Variants in GRM7 observed in about 807,000 individuals in gnomAD.
GRM7 encodes the protein metabotropic glutamate receptor 7.
GRM7 carries 35 observed loss-of-function variants against 84.5 expected under a neutral mutation model. The ratio of observed to expected loss-of-function variants is 0.41; its 90% CI spans 0.32 to 0.55. The LOEUF (loss-of-function observed/expected upper bound fraction) is 0.55, where lower values mean the gene tolerates loss of function less well. Among genes scored for constraint, GRM7 ranks in the 20% least tolerant of loss-of-function variants. The pLI, the probability that GRM7 is intolerant of heterozygous loss-of-function variation, is 0.19. For synonymous variants in GRM7, 487 were observed against 455.1 expected (o/e 1.07, Z -0.89); for missense variants, 1,003 against 1,194.6 (o/e 0.84, Z 2.36).
intron 5 of GRM7, among the ~76,000 whole-genome samples, chr3:7,446,458 T>A (rs6774558): frequency 6.9e-6 from 1 of 144,464 alleles, no homozygotes; most frequent in Non-Finnish European, 1.5e-5. Flanking sequence ...TTGTTTTTTT[T>A]TTTTTGTTTT....
intron 2 of GRM7, among the ~76,000 whole-genome samples, chr3:7,213,680 G>C (rs1330935994): frequency 6.6e-6 from 1 of 152,178 alleles, no homozygotes; most frequent in Non-Finnish European, 1.5e-5. Context: ...ACAGGCCTCA[G>C]TTGAGCCCAT....
chr3:7,131,315 G>A (rs1878164), intron 1 of GRM7, among the ~76,000 whole-genome samples: 73,870 of 151,776 alleles, frequency 0.49, 18,631 homozygotes, highest in African/African-American at 0.62. Context: ...ATGACACTTC[G>A]TCTACTTGAA....
intron 1 of GRM7, among the ~76,000 whole-genome samples, chr3:6,875,218 C>A (rs1695257547): frequency 6.7e-6 from 1 of 148,674 alleles, no homozygotes; most frequent in Non-Finnish European, 1.5e-5. Flanking sequence ...GGTCTTGGTT[C>A]TGCACTTTTT....
chr3:7,559,632 A>G (rs1466241511), intron 7 of GRM7, among the ~76,000 whole-genome samples: 3 of 152,098 alleles, frequency 2.0e-5, no homozygotes. Flanking sequence ...CAATCACTCT[A>G]CAGTATTATT....
chr3:7,300,835 T>C (rs1699973826), intron 3 of GRM7, among the ~76,000 whole-genome samples: 1 of 152,194 alleles, frequency 6.6e-6, no homozygotes, highest in African/African-American at 2.4e-5. Context: ...AATTAATGTC[T>C]GTATTCTTCA....
At chr3:7,132,578 C>G (rs1361275367) in intron 1 of GRM7, among the ~76,000 whole-genome samples, 1 of 151,982 alleles carries the variant, frequency 6.6e-6, no homozygotes, top group East Asian at 1.9e-4. Flanking sequence ...GACTATGAGG[C>G]ATATCAAAGG....
rs1045703704 is a variant in GRM7 at position 7,410,333 on chromosome 3, G to A, written c.1034-4690G>A. 5.9e-5 allele frequency among the ~76,000 whole-genome samples: 9 copies of A among 152,140 alleles called. No homozygotes were observed. The South Asian group carries it at 1.9e-3, about 31-fold the overall frequency. On this transcript the variant is annotated intron_variant, in intron 4 of 9. Transcript: ENST00000357716. ...CGCCTGTAATCCCAACACTTTGGGAGGCCGAAGCAGGTGGATTGTTTGAAC... is the reference window on the plus strand; with the variant it reads ...CGCCTGTAATCCCAACACTTTGGGAAGCCGAAGCAGGTGGATTGTTTGAAC...
intron 6 of GRM7, among the ~76,000 whole-genome samples, chr3:7,459,921 C>A (rs1698170946): frequency 6.6e-6 from 1 of 151,748 alleles, no homozygotes; most frequent in Admixed American, 6.6e-5. Flanking sequence ...GGTTATACAG[C>A]CTTGTTTGTC....
At chr3:7,372,094 A>G (rs1413696531) in intron 4 of GRM7, among the ~76,000 whole-genome samples, 3 of 152,122 alleles carry the variant, frequency 2.0e-5, no homozygotes, top group Non-Finnish European at 2.9e-5. Flanking sequence ...AACTATTGCT[A>G]CATTCTAAGT....
In GRM7 at chr3:7,224,204, C is replaced by A. The variant is rs898284594; in HGVS notation, c.737-74480C>A. ...CAGCATCTGCTCACTTCTGGGGAAGCCTGAGGAAACGTACAATCATGGCGG... is the reference window on the plus strand; with the variant it reads ...CAGCATCTGCTCACTTCTGGGGAAGACTGAGGAAACGTACAATCATGGCGG... On this transcript the variant is annotated intron_variant, in intron 2 of 9. Coordinates refer to ENST00000357716, the MANE Select transcript of GRM7 (RefSeq NM_000844.4). Among the ~76,000 whole-genome samples the A allele has an allele frequency of 5.3e-5, 8 of 152,092 alleles. No homozygotes were observed. The East Asian group carries it at 1.3e-3, about 26-fold the overall frequency.
intron 1 of GRM7, among the ~76,000 whole-genome samples, chr3:7,137,286 A>G: frequency 6.6e-6 from 1 of 152,134 alleles, no homozygotes; most frequent in East Asian, 1.9e-4. Context: ...TAAATATTTT[A>G]AAGGTAAAAT....
intron 1 of GRM7, among the ~76,000 whole-genome samples, chr3:7,139,067 T>C (rs1693860809): frequency 6.8e-6 from 1 of 147,612 alleles, no homozygotes; most frequent in Non-Finnish European, 1.5e-5. Context: ...TAGTACATTA[T>C]ATAATATTAT....
chr3:7,433,112 ACT>A (rs903740710), intron 5 of GRM7, among the ~76,000 whole-genome samples: 2 of 152,142 alleles, frequency 1.3e-5, no homozygotes, highest in Admixed American at 1.3e-4. Context: ...AAAATGCATG[ACT>A]CTGAAGACAA....
intron 1 of GRM7, among the ~76,000 whole-genome samples, chr3:6,877,989 T>C (rs1277464752): frequency 6.6e-6 from 1 of 151,758 alleles, no homozygotes; most frequent in Non-Finnish European, 1.5e-5. Context: ...CAACTCTATC[T>C]ACAGATATAT....
intron 4 of GRM7, 70 bp from the exon 5 acceptor site, chr3:7,414,952 CT>C (rs1696100119): frequency 1.5e-6 from 2 of 1,290,912 alleles, no homozygotes; most frequent in South Asian, 1.6e-5. Context: ...AAAAAAGTCA[CT>C]TTTATTTTTA....
chr3:7,119,844 C>T (rs1422087109), intron 1 of GRM7, among the ~76,000 whole-genome samples: 1 of 152,106 alleles, frequency 6.6e-6, no homozygotes, highest in Admixed American at 6.6e-5. Context: ...ATGACTTCAG[C>T]TCATATTTTA....
chr3:7,456,404 T>G (rs1257081469), intron 6 of GRM7, among the ~76,000 whole-genome samples: 1 of 152,046 alleles, frequency 6.6e-6, no homozygotes, highest in Admixed American at 6.6e-5. Flanking sequence ...ATTGGCTTAT[T>G]TTATCTTTAA....
At chr3:6,994,584 A>T (rs908052678) in intron 1 of GRM7, among the ~76,000 whole-genome samples, 4 of 152,082 alleles carry the variant, frequency 2.6e-5, no homozygotes, top group Non-Finnish European at 5.9e-5. Flanking sequence ...TTGTTGTTGA[A>T]TTTTTTTTAA....
chr3:7,259,953 G>GTTTTTTTTTTTTTTT lies in GRM7; in HGVS notation c.737-38719_737-38718insTTTTTTTTTTTTTTT, dbSNP rs1164961076. On this transcript the variant is annotated intron_variant, in intron 2 of 9. Coordinates refer to ENST00000357716, the MANE Select transcript of GRM7 (RefSeq NM_000844.4). ...TTTCTCTGCAACCTTACCAGCATCT[G>GTTTTTTTTTTTTTTT]TTTTTTTTTTTTGACGTTTTAATAA... Among the ~76,000 whole-genome samples the GTTTTTTTTTTTTTTT allele has an allele frequency of 7.5e-3, 670 of 89,554 alleles. 80 individuals carry two copies. Among genetic ancestry groups the GTTTTTTTTTTTTTTT allele is most frequent in the African/African-American group, 0.03 (510 of 17,046 alleles). 58.8% of individuals were successfully genotyped at this position (89,554 alleles called of 152,430 possible). A position where few individuals can be genotyped will look rare whatever the true frequency, so the allele number is the denominator to read the frequency against.
Sources: allele counts gnomAD v4.1 joint callset (sites outside exome capture counted in the v4.1 genomes callset), GRCh38; gene constraint gnomAD v4.1.1; transcripts MANE v1.5; gene names NCBI Gene and HGNC (gene_info 2026-07-23, HGNC 2026-07-21).